Variants in MICAL2 observed in about 807,000 individuals in gnomAD.
MICAL2 encodes the protein microtubule associated monooxygenase, calponin and LIM domain containing 2, also known as [F-actin]-monooxygenase MICAL2.
In MICAL2, 77 loss-of-function variants were observed where a neutral mutation model predicts 127.3. The observed-to-expected ratio is 0.60, with a 90% CI of 0.50 to 0.73. The LOEUF is 0.73. Ranked by LOEUF, MICAL2 falls within the 30% of genes least tolerant of loss-of-function variation. The pLI is 0.00. For synonymous variants in MICAL2, 570 were observed against 551.1 expected (o/e 1.03, Z -0.48); for missense variants, 1,351 against 1,434.4 (o/e 0.94, Z 0.94).
chr11:12,290,256 C>G (rs1863880077), downstream of MICAL2, among the ~76,000 whole-genome samples: 1 of 152,116 alleles, frequency 6.6e-6, no homozygotes, highest in African/African-American at 2.4e-5. Flanking sequence ...AAAGAGACCC[C>G]CTAGCAGGGG....
intron 22 of MICAL2, 155 bp from the exon 23 acceptor site, chr11:12,255,488 C>G: frequency 3.1e-6 from 2 of 635,564 alleles, no homozygotes; most frequent in Non-Finnish European, 5.7e-6. Context: ...TCCCCGCGTT[C>G]TGCTCCTGGC....
At chr11:12,186,640 C>T (rs1216132033) in intron 3 of MICAL2, among the ~76,000 whole-genome samples, 1 of 152,130 alleles carries the variant, frequency 6.6e-6, no homozygotes, top group Non-Finnish European at 1.5e-5. Flanking sequence ...CTCAGTTTAC[C>T]CAGCTGCAAA....
intron 2 of MICAL2, among the ~76,000 whole-genome samples, chr11:12,285,688 C>T (rs781012927): frequency 1.5e-4 from 23 of 152,200 alleles, no homozygotes; most frequent in Non-Finnish European, 4.4e-5. Flanking sequence ...GGAAGGAAAG[C>T]CCCCAGGTAG....
intron 2 of MICAL2, among the ~76,000 whole-genome samples, chr11:12,156,995 T>C (rs1457084244): frequency 1.3e-5 from 2 of 152,226 alleles, no homozygotes; most frequent in African/African-American, 4.8e-5. Flanking sequence ...CTTGGCAGTA[T>C]ACATGGGTTT....
intron 29 of MICAL2, among the ~76,000 whole-genome samples, chr11:12,299,370 T>G (rs1001940904): frequency 2.6e-5 from 4 of 152,150 alleles, no homozygotes; most frequent in Non-Finnish European, 5.9e-5. Context: ...CACACTTCCA[T>G]GCAATGGAGA....
Position 12,328,035 on chromosome 11 carries a change from G to A in MICAL2, c.5515+769G>A, listed in dbSNP as rs996006713. On this transcript the variant is annotated intron_variant, in intron 32 of 34. Coordinates refer to the MICAL2 transcript ENST00000646065. ...TTTCTCCTTTATAGAACTGATATAAGGATTAAAGAAGAAATTATATTTGAT... is the reference window on the plus strand; with the variant it reads ...TTTCTCCTTTATAGAACTGATATAAAGATTAAAGAAGAAATTATATTTGAT... 1.6e-4 allele frequency among the ~76,000 whole-genome samples: 25 copies of A among 152,194 alleles called. 1 individual carries two copies. The highest frequency in any genetic ancestry group is 6.0e-4 in the African/African-American group (25 of 41,448).
intron 6 of MICAL2, among the ~76,000 whole-genome samples, chr11:12,210,606 T>C (rs1409291853): frequency 6.6e-6 from 1 of 152,232 alleles, no homozygotes; most frequent in Non-Finnish European, 1.5e-5. Flanking sequence ...TGACAGGGAA[T>C]GTTTAAGCTG....
At chr11:12,173,469 A>G (rs553965495) in intron 3 of MICAL2, among the ~76,000 whole-genome samples, 12 of 152,360 alleles carry the variant, frequency 7.9e-5, no homozygotes, top group African/African-American at 2.9e-4. Flanking sequence ...TCTAGCTTTA[A>G]GAGAATGAGC....
At chr11:12,337,665 G>A (rs1351361314) in intron 32 of MICAL2, among the ~76,000 whole-genome samples, 4 of 151,572 alleles carry the variant, frequency 2.6e-5, no homozygotes, top group East Asian at 1.9e-4. Flanking sequence ...CTTTGTTCTC[G>A]TTGGTTTCAA....
intron 8 of MICAL2, among the ~76,000 whole-genome samples, chr11:12,218,290 G>A (rs1590407853): frequency 1.3e-5 from 2 of 152,172 alleles, no homozygotes; most frequent in South Asian, 2.1e-4. Flanking sequence ...TGGCCCATAC[G>A]TGTGTGGGCT....
chr11:12,356,689 GTC>G (rs1939133542), intron 34 of MICAL2, among the ~76,000 whole-genome samples: 1 of 152,214 alleles, frequency 6.6e-6, no homozygotes, highest in Non-Finnish European at 1.5e-5. Context: ...TGGCTAGACA[GTC>G]TCTCCTGTGG....
At chr11:12,314,645 A>AATTTTTT (rs1555020821) in intron 29 of MICAL2, among the ~76,000 whole-genome samples, 1 of 123,052 alleles carries the variant, frequency 8.1e-6, no homozygotes, top group African/African-American at 3.1e-5. Flanking sequence ...TGCCCAGCTA[A>AATTTTTT]TTTTTTTTTT....
At chr11:12,359,875 C>A (rs1939182979), downstream of MICAL2, among the ~76,000 whole-genome samples, 1 of 152,162 alleles carries the variant, frequency 6.6e-6, no homozygotes, top group Admixed American at 6.5e-5. Flanking sequence ...AGGTGCTCTG[C>A]AACAGTTGGC....
chr11:12,217,606 G>A (rs1856343552), intron 8 of MICAL2, among the ~76,000 whole-genome samples: 2 of 152,290 alleles, frequency 1.3e-5, no homozygotes, highest in South Asian at 4.1e-4. Flanking sequence ...CAGCTTTGCA[G>A]AGGAGAGGTT....
upstream of MICAL2, among the ~76,000 whole-genome samples, chr11:12,272,860 C>T (rs1482030307): frequency 3.9e-5 from 6 of 152,294 alleles, no homozygotes; most frequent in African/African-American, 1.4e-4. Flanking sequence ...ACATGAGTGA[C>T]AGCCAACTGG....
intron 32 of MICAL2, among the ~76,000 whole-genome samples, chr11:12,346,645 A>G (rs1403441082): frequency 6.6e-6 from 1 of 151,996 alleles, no homozygotes; most frequent in Non-Finnish European, 1.5e-5. Flanking sequence ...CTTTCTCCAC[A>G]CACAATTAAT....
At chr11:12,342,414 T>A (rs1444699869) in intron 32 of MICAL2, among the ~76,000 whole-genome samples, 1 of 152,102 alleles carries the variant, frequency 6.6e-6, no homozygotes, top group African/African-American at 2.4e-5. Context: ...CAAAAAAAAA[T>A]TATTATTTAT....
intron 2 of MICAL2, among the ~76,000 whole-genome samples, chr11:12,150,863 T>C (rs962907954): frequency 3.3e-5 from 5 of 152,122 alleles, no homozygotes; most frequent in Middle Eastern, 3.2e-3. Flanking sequence ...TATGTGAAAA[T>C]GTATCCATTT....
downstream of MICAL2, among the ~76,000 whole-genome samples, chr11:12,264,375 A>G (rs553577641): frequency 3.9e-5 from 6 of 152,302 alleles, no homozygotes; most frequent in East Asian, 9.7e-4. Context: ...TTCAGTATCT[A>G]TGGTGTGAGG....
Sources: allele counts gnomAD v4.1 joint callset (sites outside exome capture counted in the v4.1 genomes callset), GRCh38; gene constraint gnomAD v4.1.1; transcripts MANE v1.5; gene names NCBI Gene and HGNC (gene_info 2026-07-23, HGNC 2026-07-21).